Variants in PLAGL1 observed in about 807,000 individuals in gnomAD.
The protein encoded by PLAGL1 is PLAG1 like zinc finger 1.
A neutral mutation model predicts 4.6 loss-of-function variants in PLAGL1; 1 was observed. The observed-to-expected ratio is 0.22, with a 90% CI of 0.08 to 1.03. The LOEUF (loss-of-function observed/expected upper bound fraction) is 1.03. PLAGL1 is among the 50% of genes least tolerant of loss of function. PLAGL1 has a pLI of 0.58. For synonymous variants in PLAGL1, 240 were observed against 237.8 expected (o/e 1.01, Z -0.08); for missense variants, 464 against 570.4 (o/e 0.81, Z 1.90).
rs1483349250 is a variant in PLAGL1 at position 143,985,824 on chromosome 6, A to G, written c.-583-650T>C. Among the ~76,000 whole-genome samples the G allele has an allele frequency of 1.3e-5, 2 of 151,160 alleles. No homozygotes were observed. Among genetic ancestry groups the G allele is most frequent in the African/African-American group, 2.4e-5 (1 of 41,172 alleles). Reference sequence around the variant, plus strand: ...AATGTTGTCTGCACTCACAGATTCCATATTTTCAATATATTACTAACAAGA... The same window carrying G: ...AATGTTGTCTGCACTCACAGATTCCGTATTTTCAATATATTACTAACAAGA... On this transcript the variant is annotated intron_variant, in intron 1 of 7. Transcript: ENST00000674357. The surrounding 1 kb of genome is among the most constrained non-coding windows in gnomAD (Gnocchi z 4.4).
rs1437352399 is a variant in PLAGL1 at position 143,940,969 on chromosome 6, G to C, written c.*455C>G. ...CTGAAGGTAGAAAAATCCCTGAAAA[G>C]AAATACACAGCCTAGTCATAGTATA... is the stretch of plus-strand genomic sequence containing the variant. On this transcript the variant is annotated 3_prime_UTR_variant, in exon 8 of 8. Transcript: ENST00000674357. 6.5e-6 allele frequency: 1 copy of C among 152,850 alleles called. No homozygotes were observed. The highest frequency in any genetic ancestry group is 1.9e-4 in the East Asian group (1 of 5,200). The allele number at this position is 152,850 out of a possible 1,614,324, so 9.5% of individuals were successfully genotyped here.
rs1362594875 is a variant in PLAGL1, at chr6:143,941,697, T to C, written c.1119A>G (p.Thr373=). ...KELPADAVNL[T]IPASLDLSPL... is the part of the protein sequence containing the mutation. ...GGGACAGGTCCAGAGAGGCAGGTATTGTTAGGTTCACAGCATCTGCAGGCA... is the reference window on the plus strand; with the variant it reads ...GGGACAGGTCCAGAGAGGCAGGTATCGTTAGGTTCACAGCATCTGCAGGCA... The change falls in exon 8 of 8, where the codon ACA becomes ACG. Residue 373 remains threonine (T), a synonymous_variant. Transcript: ENST00000674357. The surrounding 1 kb of genome is among the most constrained non-coding windows in gnomAD (Gnocchi z 6.0). The C allele has an allele frequency of 3.7e-6, 6 of 1,614,060 alleles. No homozygotes were observed. Among genetic ancestry groups the C allele is most frequent in the Admixed American group, 1.7e-5 (1 of 60,006 alleles).
Position 143,995,111 on chromosome 6 carries a change from C to T in PLAGL1, c.-583-9937G>A, listed in dbSNP as rs909728741. 6.7e-6 allele frequency among the ~76,000 whole-genome samples: 1 copy of T among 149,410 alleles called. No homozygotes were observed. The highest frequency in any genetic ancestry group is 2.5e-5 in the African/African-American group (1 of 40,392). On this transcript the variant is annotated intron_variant, in intron 1 of 7. Coordinates refer to ENST00000674357, the MANE Select transcript of PLAGL1 (RefSeq NM_001317162.2). This position sits in a 1 kb window ranked among gnomAD's most constrained non-coding sequence, Gnocchi z 4.4. ...TGGGAAAGGCTTCATTCTTTCTCAGCCAAAATTTTCTTATTTGTACAAAGG... is the reference window on the plus strand; with the variant it reads ...TGGGAAAGGCTTCATTCTTTCTCAGTCAAAATTTTCTTATTTGTACAAAGG...
intron 1 of PLAGL1, among the ~76,000 whole-genome samples, chr6:144,014,167 C>T (rs1028557215): frequency 2.6e-5 from 4 of 152,120 alleles, no homozygotes; most frequent in African/African-American, 9.7e-5. Context: ...CATGGTGGCT[C>T]ACACCTGTAT....
intron 1 of PLAGL1, among the ~76,000 whole-genome samples, chr6:144,040,987 A>G (rs1319276624): frequency 6.6e-6 from 1 of 152,192 alleles, no homozygotes; most frequent in Non-Finnish European, 1.5e-5. Flanking sequence ...AAGAGAGAAT[A>G]TAGTAGTTAG....
In PLAGL1 at chr6:144,055,030, A is replaced by G. The variant is rs570667208; in HGVS notation, c.-151+9438T>C. ...AATGCATTAACCCAGCACCTTTTCA[A>G]CATGAATTGTCATAATAAAGGATTC... On this transcript the variant is annotated intron_variant, in intron 1 of 3. Coordinates refer to the PLAGL1 transcript ENST00000437412. The surrounding 1 kb of genome is among the most constrained non-coding windows in gnomAD (Gnocchi z 5.0). 2.0e-5 allele frequency among the ~76,000 whole-genome samples: 3 copies of G among 152,318 alleles called. No individual in the cohort carries two copies. The highest frequency in any genetic ancestry group is 3.9e-4 in the East Asian group (2 of 5,190).
rs917919962 is a variant in PLAGL1, at chr6:144,008,058, C to CCCG, written c.-584+29_-584+31dup. The CCCG allele has an allele frequency of 1.6e-4, 25 of 151,866 alleles. No individual in the cohort carries two copies. Among genetic ancestry groups the CCCG allele is most frequent in the African/African-American group, 6.0e-4 (25 of 41,402 alleles). The allele number at this position is 151,866 out of a possible 1,614,324, so 9.4% of individuals were successfully genotyped here. Reference sequence around the variant, plus strand: ...CACGGCCACCGCTGCCCCCAGCCCGCCCGCCGCAGCCGCGAGCACCCAAAC... The same window carrying CCCG: ...CACGGCCACCGCTGCCCCCAGCCCGCCCGCCGCCGCAGCCGCGAGCACCCAAAC... On this transcript the variant is annotated intron_variant, in intron 1 of 7. Coordinates refer to ENST00000674357, the MANE Select transcript of PLAGL1 (RefSeq NM_001317162.2). This position sits in a 1 kb window ranked among gnomAD's most constrained non-coding sequence, Gnocchi z 6.9.
rs568714521 is a variant in PLAGL1 at position 144,014,868 on chromosome 6, C to T, written c.-150-45890G>A. 2.0e-5 allele frequency among the ~76,000 whole-genome samples: 3 copies of T among 152,284 alleles called. No individual in the cohort carries two copies. In the South Asian group the frequency reaches 6.2e-4, roughly 32 times the overall value. On this transcript the variant is annotated intron_variant, in intron 1 of 3. Coordinates refer to the PLAGL1 transcript ENST00000437412. ...GTGCTGAGATTACAGGTGTGAGCCA[C>T]TGTCCCCAGCCTAGATCTATTGGTA...
Position 144,022,282 on chromosome 6 carries a change from T to C in PLAGL1, c.-151+42186A>G, listed in dbSNP as rs1283429699. Among the ~76,000 whole-genome samples the C allele has an allele frequency of 6.6e-6, 1 of 152,218 alleles. No homozygotes were observed. The highest frequency in any genetic ancestry group is 1.5e-5 in the Non-Finnish European group (1 of 68,036). Reference sequence around the variant, plus strand: ...GATATGTAGATGGCATGTAAGCATATGAAAAGATGTTCAGCATCATTTGTC... The same window carrying C: ...GATATGTAGATGGCATGTAAGCATACGAAAAGATGTTCAGCATCATTTGTC... On this transcript the variant is annotated intron_variant, in intron 1 of 3. Transcript: ENST00000437412. The surrounding 1 kb of genome is among the most constrained non-coding windows in gnomAD (Gnocchi z 4.2).
At chr6:143,996,397 A>G (rs1429405808) in intron 1 of PLAGL1, among the ~76,000 whole-genome samples, 1 of 152,232 alleles carries the variant, frequency 6.6e-6, no homozygotes, top group Non-Finnish European at 1.5e-5. Context: ...AAAGTATGGC[A>G]AAGACTGCCA....
rs1475247385 is a variant in PLAGL1, at chr6:143,979,608, TTCCTCACC to T, written c.-544+5519_-544+5526del. 7.9e-5 allele frequency among the ~76,000 whole-genome samples: 12 copies of T among 152,226 alleles called. No homozygotes were observed. Among genetic ancestry groups the T allele is most frequent in the Non-Finnish European group, 1.8e-4 (12 of 67,946 alleles). On this transcript the variant is annotated intron_variant, in intron 2 of 7. Transcript: ENST00000674357. This position sits in a 1 kb window ranked among gnomAD's most constrained non-coding sequence, Gnocchi z 4.6. ...GTATAAAAACTTTATAGTTATATTT[TTCCTCACC>T]TGACCTTTGTGCAATTATTGTTGTA...
rs1291861551 is a variant in PLAGL1, at chr6:144,053,400, C to T, written c.-151+11068G>A. ...TCAGCCACGATGGCCTCCCAAATTGCTGGTGTTACAGGCGTGAGCCACCAC... is the reference window on the plus strand; with the variant it reads ...TCAGCCACGATGGCCTCCCAAATTGTTGGTGTTACAGGCGTGAGCCACCAC... On this transcript the variant is annotated intron_variant, in intron 1 of 3. Coordinates refer to the PLAGL1 transcript ENST00000437412. The surrounding 1 kb of genome is among the most constrained non-coding windows in gnomAD (Gnocchi z 4.0). Among the ~76,000 whole-genome samples, 1 of 152,204 alleles carries T rather than the reference C, an allele frequency of 6.6e-6. No homozygotes were observed. The highest frequency in any genetic ancestry group is 1.5e-5 in the Non-Finnish European group (1 of 68,036).
chr6:144,023,098 T>C (rs1274303613), intron 1 of PLAGL1, among the ~76,000 whole-genome samples: 1 of 152,184 alleles, frequency 6.6e-6, no homozygotes, highest in Admixed American at 6.5e-5. Flanking sequence ...TGGAAGAAAC[T>C]TAATGCATAC....
rs1583168227 is a variant in PLAGL1, at chr6:143,955,894, T to G, written c.-325+4575A>C. The stretch of plus-strand genomic sequence containing the variant: ...CAGAATAACTGGATTAGGACTGAGG[T>G]TAGGGGAAAGAGGGAATGGTGGTGG... On this transcript the variant is annotated intron_variant, in intron 6 of 7. Transcript: ENST00000674357. This position sits in a 1 kb window ranked among gnomAD's most constrained non-coding sequence, Gnocchi z 4.9. Among the ~76,000 whole-genome samples, 1 of 151,792 alleles carries G rather than the reference T, an allele frequency of 6.6e-6. No individual in the cohort carries two copies. The highest frequency in any genetic ancestry group is 2.1e-4 in the South Asian group (1 of 4,792).
At chr6:144,002,230 T>C (rs1414369777) in intron 1 of PLAGL1, among the ~76,000 whole-genome samples, 2 of 152,224 alleles carry the variant, frequency 1.3e-5, no homozygotes, top group East Asian at 3.8e-4. Flanking sequence ...AATACTCATT[T>C]GCGAAAGCAA....
In PLAGL1 at chr6:144,005,120, A is replaced by G. The variant is rs1398557526; in HGVS notation, c.-584+2970T>C. ...GATGATACAAGGAGCAGTTAAAACC[A>G]TAAAGCAATTCTCGAATTTCAAAGA... On this transcript the variant is annotated intron_variant, in intron 1 of 7. Transcript: ENST00000674357. This position sits in a 1 kb window ranked among gnomAD's most constrained non-coding sequence, Gnocchi z 4.6. The G allele has an allele frequency of 1.3e-5, 2 of 152,032 alleles. No homozygotes were observed. The highest frequency in any genetic ancestry group is 4.1e-4 in the South Asian group (2 of 4,826). 9.4% of individuals were successfully genotyped at this position (152,032 alleles called of 1,614,324 possible). A position where few individuals can be genotyped will look rare whatever the true frequency, so the allele number is the denominator to read the frequency against.
rs1002011211 is a variant in PLAGL1 at position 143,984,428 on chromosome 6, A to G, written c.-544+707T>C. On this transcript the variant is annotated intron_variant, in intron 2 of 7. Coordinates refer to ENST00000674357, the MANE Select transcript of PLAGL1 (RefSeq NM_001317162.2). This position sits in a 1 kb window ranked among gnomAD's most constrained non-coding sequence, Gnocchi z 5.5. Reference sequence around the variant, plus strand: ...TTGATTTTAACTCAGCTTTTTTCCCAAATTTAAATGACCATATGCTCATTT... The same window carrying G: ...TTGATTTTAACTCAGCTTTTTTCCCGAATTTAAATGACCATATGCTCATTT... 4.6e-5 allele frequency among the ~76,000 whole-genome samples: 7 copies of G among 152,148 alleles called. No individual in the cohort carries two copies. Among genetic ancestry groups the G allele is most frequent in the Non-Finnish European group, 8.8e-5 (6 of 68,028 alleles).
chr6:144,035,935 A>G (rs1797201272), intron 1 of PLAGL1, among the ~76,000 whole-genome samples: 1 of 152,180 alleles, frequency 6.6e-6, no homozygotes, highest in South Asian at 2.1e-4. Flanking sequence ...TTCAGGGATC[A>G]CTGGAGTGGG....
rs1409376731 is a variant in PLAGL1, at chr6:144,056,999, T to C, written c.-151+7469A>G. On this transcript the variant is annotated intron_variant, in intron 1 of 3. Coordinates refer to the PLAGL1 transcript ENST00000437412. This position sits in a 1 kb window ranked among gnomAD's most constrained non-coding sequence, Gnocchi z 4.7. ...TCCCATTGGCTGGATGAACCACAGT[T>C]TGTTAATCCATTCACCTACTGAAGG... 6.6e-6 allele frequency among the ~76,000 whole-genome samples: 1 copy of C among 152,162 alleles called. No individual in the cohort carries two copies. The highest frequency in any genetic ancestry group is 1.5e-5 in the Non-Finnish European group (1 of 68,028).
Sources: allele counts gnomAD v4.1 joint callset (sites outside exome capture counted in the v4.1 genomes callset), GRCh38; gene constraint gnomAD v4.1.1; non-coding constraint Gnocchi (gnomAD v3.1); transcripts MANE v1.5; gene names NCBI Gene and HGNC (gene_info 2026-07-23, HGNC 2026-07-21).